Variants in CA12 observed in about 807,000 individuals in gnomAD.
CA12 encodes the protein carbonic anhydrase 12.
In CA12, 36 loss-of-function variants were observed where a neutral mutation model predicts 46.8. The observed-to-expected ratio is 0.77, with a 90% CI of 0.59 to 1.02. The LOEUF (loss-of-function observed/expected upper bound fraction) is 1.02, where lower values mean the gene tolerates loss of function less well. Among genes scored for constraint, CA12 ranks in the 50% least tolerant of loss-of-function variants. CA12 has a pLI of 0.00. For missense variants in CA12, 436 were observed against 451.4 expected, an observed-to-expected ratio of 0.97 and a Z score of 0.31; for synonymous variants, 202 against 187.0, an observed-to-expected ratio of 1.08 and a Z score of -0.65.
At chr15:63,338,178 A>G (rs2039026882) in intron 8 of CA12, among the ~76,000 whole-genome samples, 1 of 152,222 alleles carries the variant, frequency 6.6e-6, no homozygotes, top group Admixed American at 6.5e-5. Context: ...CCCTTGTAGC[A>G]TTAGGAAGAA....
rs183387824 is a variant in CA12 at position 63,361,651 on chromosome 15, C to T, written c.106+14007G>A. Among the ~76,000 whole-genome samples the T allele has an allele frequency of 6.0e-4, 92 of 152,268 alleles. 1 individual carries two copies. The East Asian group carries it at 0.017, about 28-fold the overall frequency. On this transcript the variant is annotated intron_variant, in intron 2 of 10. Coordinates refer to ENST00000178638, the MANE Select transcript of CA12 (RefSeq NM_001218.5). The stretch of plus-strand genomic sequence containing the variant: ...GGCCGTGAGGAAAGAGGAACCAGAG[C>T]ATGCCCCACAGCGGAGGTTGATCTT...
intron 10 of CA12, among the ~76,000 whole-genome samples, chr15:63,326,909 C>T (rs2037772513): frequency 6.6e-6 from 1 of 152,238 alleles, no homozygotes; most frequent in African/African-American, 2.4e-5. Context: ...TAGCAGCAAG[C>T]AAGGCACACA....
At chr15:63,375,127 T>C (rs1477800030) in intron 2 of CA12, among the ~76,000 whole-genome samples, 1 of 152,206 alleles carries the variant, frequency 6.6e-6, no homozygotes, top group Non-Finnish European at 1.5e-5. Context: ...TCTCGCTTCA[T>C]TTAAGACAAG....
chr15:63,343,279 C>CTT (rs35290345), intron 4 of CA12, among the ~76,000 whole-genome samples: 3,918 of 98,664 alleles, frequency 0.04, 184 homozygotes, highest in African/African-American at 0.075. Flanking sequence ...TAGAAAGAAT[C>CTT]TTTTTTTTTT....
chr15:63,375,767 T>C (rs1280490323), intron 1 of CA12, 89 bp from the exon 2 acceptor site: 3 of 928,906 alleles, frequency 3.2e-6, no homozygotes, highest in Non-Finnish European at 5.1e-6. Context: ...ATGAGCGAAA[T>C]TGAAAAGGAG....
Position 63,381,744 on chromosome 15 carries a change from G to A in CA12, c.-24C>T. Reference sequence around the variant, plus strand: ...ATCTTCGCGGGCTCCTGCGGGGCGGGCGCGGGCTGTGCCGGGGGCTCCCGG... The same window carrying A: ...ATCTTCGCGGGCTCCTGCGGGGCGGACGCGGGCTGTGCCGGGGGCTCCCGG... On this transcript the variant is annotated 5_prime_UTR_variant, in exon 1 of 11. Transcript: ENST00000178638. 2 of 1,542,904 alleles carry A rather than the reference G, an allele frequency of 1.3e-6. No individual in the cohort carries two copies. Among genetic ancestry groups the A allele is most frequent in the Non-Finnish European group, 1.8e-6 (2 of 1,141,160 alleles).
In CA12 at chr15:63,339,053, A is replaced by G. The variant is rs1447284297; in HGVS notation, c.748-108T>C. 3 of 1,401,500 alleles carry G rather than the reference A, an allele frequency of 2.1e-6. No individual in the cohort carries two copies. The highest frequency in any genetic ancestry group is 3.0e-6 in the Non-Finnish European group (3 of 1,010,240). 86.8% of individuals were successfully genotyped at this position (1,401,500 alleles called of 1,614,324 possible). Reference sequence around the variant, plus strand: ...GCACCTGGGAGAAGCCTCTGGAACCAGCTTCTGTGGGGCCGGGTGGGAGAT... The same window carrying G: ...GCACCTGGGAGAAGCCTCTGGAACCGGCTTCTGTGGGGCCGGGTGGGAGAT... On this transcript the variant is annotated intron_variant, in intron 7 of 10. Coordinates refer to ENST00000178638, the MANE Select transcript of CA12 (RefSeq NM_001218.5). This position sits in a 1 kb window ranked among gnomAD's most constrained non-coding sequence, Gnocchi z 4.3.
rs2039548958 is a variant in CA12 at position 63,374,624 on chromosome 15, T to C, written c.106+1034A>G. On this transcript the variant is annotated intron_variant, in intron 2 of 10. Transcript: ENST00000178638. The surrounding 1 kb of genome is among the most constrained non-coding windows in gnomAD (Gnocchi z 4.4). ...TGCTGGGGCTGAGGGGACCTTGGCCTGTGGGTAGCTGGTTGGTCAGTTCAG... is the reference window on the plus strand; with the variant it reads ...TGCTGGGGCTGAGGGGACCTTGGCCCGTGGGTAGCTGGTTGGTCAGTTCAG... 6.6e-6 allele frequency among the ~76,000 whole-genome samples: 1 copy of C among 152,210 alleles called. No individual in the cohort carries two copies. Among genetic ancestry groups the C allele is most frequent in the Non-Finnish European group, 1.5e-5 (1 of 68,034 alleles).
In CA12 at chr15:63,330,952, A is replaced by G. The variant is rs2038930599; in HGVS notation, c.875-2822T>C. 6.6e-6 allele frequency among the ~76,000 whole-genome samples: 1 copy of G among 152,240 alleles called. No individual in the cohort carries two copies. The highest frequency in any genetic ancestry group is 6.5e-5 in the Admixed American group (1 of 15,282). On this transcript the variant is annotated intron_variant, in intron 8 of 10. Transcript: ENST00000178638. The surrounding 1 kb of genome is among the most constrained non-coding windows in gnomAD (Gnocchi z 4.0). ...CTGGGACAGATACTTTTCAGCCAAGACTTTGATACAGCAAAAACGAAGCAG... is the reference window on the plus strand; with the variant it reads ...CTGGGACAGATACTTTTCAGCCAAGGCTTTGATACAGCAAAAACGAAGCAG...
Position 63,355,649 on chromosome 15 carries a change from T to C in CA12, c.107-8940A>G, listed in dbSNP as rs1209381737. 6.6e-6 allele frequency among the ~76,000 whole-genome samples: 1 copy of C among 152,164 alleles called. No homozygotes were observed. The highest frequency in any genetic ancestry group is 1.5e-5 in the Non-Finnish European group (1 of 68,022). On this transcript the variant is annotated intron_variant, in intron 2 of 10. Transcript: ENST00000178638. This position sits in a 1 kb window ranked among gnomAD's most constrained non-coding sequence, Gnocchi z 4.1. ...CACTGAAGTGTTCAACAAACAGCTC[T>C]TGAACTAAGCAACAAACAACAGCAA...
intron 8 of CA12, among the ~76,000 whole-genome samples, chr15:63,336,137 G>C (rs1203674122): frequency 6.6e-6 from 1 of 152,256 alleles, no homozygotes; most frequent in African/African-American, 2.4e-5. Context: ...TGGAGGAAGA[G>C]CAGTGGCAAC....
chr15:63,364,220 G>A (rs533121376), intron 2 of CA12, among the ~76,000 whole-genome samples: 3 of 149,316 alleles, frequency 2.0e-5, no homozygotes, highest in African/African-American at 7.4e-5. Flanking sequence ...GGCTAGGTGC[G>A]ATGGCTCACA....
chr15:63,345,862 C>A lies in CA12; in HGVS notation c.287-243G>T, dbSNP rs1567045931. Among the ~76,000 whole-genome samples, 1 of 152,214 alleles carries A rather than the reference C, an allele frequency of 6.6e-6. No individual in the cohort carries two copies. Among genetic ancestry groups the A allele is most frequent in the Admixed American group, 6.5e-5 (1 of 15,284 alleles). ...GTGGCACCAGCACCTTCTTGGTTCACCTTGGAAAGTGATGCCAGAAACGCT... is the reference window on the plus strand; with the variant it reads ...GTGGCACCAGCACCTTCTTGGTTCAACTTGGAAAGTGATGCCAGAAACGCT... On this transcript the variant is annotated intron_variant, in intron 3 of 10. Transcript: ENST00000178638. The surrounding 1 kb of genome is among the most constrained non-coding windows in gnomAD (Gnocchi z 4.3).
intron 2 of CA12, among the ~76,000 whole-genome samples, chr15:63,351,623 G>GA (rs1442787807): frequency 6.6e-6 from 1 of 152,178 alleles, no homozygotes; most frequent in African/African-American, 2.4e-5. Context: ...ATGCCGTTAT[G>GA]AAAAAATCTG....
In CA12 at chr15:63,340,796, C is replaced by G. The variant is rs1310053543; in HGVS notation, c.526-13G>C. 2.5e-6 allele frequency: 4 copies of G among 1,613,518 alleles called. No homozygotes were observed. The highest frequency in any genetic ancestry group is 3.4e-6 in the Non-Finnish European group (4 of 1,179,422). On this transcript the variant is annotated splice_polypyrimidine_tract_variant and intron_variant, in intron 5 of 10. Coordinates refer to ENST00000178638, the MANE Select transcript of CA12 (RefSeq NM_001218.5). The surrounding 1 kb of genome is among the most constrained non-coding windows in gnomAD (Gnocchi z 4.4). ...TGAAGGAGCCCATCTGCAACAGAGACAGGGCAGGTTAAACTGGGACAGAAC... is the reference window on the plus strand; with the variant it reads ...TGAAGGAGCCCATCTGCAACAGAGAGAGGGCAGGTTAAACTGGGACAGAAC...
intron 8 of CA12, among the ~76,000 whole-genome samples, chr15:63,337,465 G>A (rs376659165): frequency 2.6e-5 from 4 of 151,144 alleles, no homozygotes; most frequent in African/African-American, 9.7e-5. Flanking sequence ...TTGTTTTTTG[G>A]TTTTTTTTTG....
In CA12 at chr15:63,345,635, G is replaced by A; in HGVS notation, c.287-16C>T. ...TTCAGCTTCACTGCGGGGAGTGGAG[G>A]AGCAGCCTTCAGAGCCCCGGCCAGC... On this transcript the variant is annotated splice_polypyrimidine_tract_variant and intron_variant, in intron 3 of 10. Coordinates refer to ENST00000178638, the MANE Select transcript of CA12 (RefSeq NM_001218.5). This position sits in a 1 kb window ranked among gnomAD's most constrained non-coding sequence, Gnocchi z 4.3. The A allele has an allele frequency of 1.9e-6, 3 of 1,609,484 alleles. No individual in the cohort carries two copies. Among genetic ancestry groups the A allele is most frequent in the South Asian group, 1.1e-5 (1 of 90,782 alleles).
chr15:63,339,082 A>G lies in CA12; in HGVS notation c.748-137T>C, dbSNP rs1381582273. On this transcript the variant is annotated intron_variant, in intron 7 of 10. Transcript: ENST00000178638. The surrounding 1 kb of genome is among the most constrained non-coding windows in gnomAD (Gnocchi z 4.3). ...TCTGTGGGGCCGGGTGGGAGATATT[A>G]GAAAGCAGAGGGAAAGCCACAGAAC... 28 of 1,092,178 alleles carry G rather than the reference A, an allele frequency of 2.6e-5. No homozygotes were observed. Among genetic ancestry groups the G allele is most frequent in the Non-Finnish European group, 3.6e-5 (27 of 741,062 alleles). 67.7% of individuals were successfully genotyped at this position (1,092,178 alleles called of 1,614,324 possible). A position where few individuals can be genotyped will look rare whatever the true frequency, so the allele number is the denominator to read the frequency against.
At chr15:63,369,399 G>T (rs1281624239) in intron 2 of CA12, among the ~76,000 whole-genome samples, 1 of 152,196 alleles carries the variant, frequency 6.6e-6, no homozygotes, top group Non-Finnish European at 1.5e-5. Context: ...AGTTAGCTTT[G>T]TATGTGCTAG....
Sources: allele counts gnomAD v4.1 joint callset (sites outside exome capture counted in the v4.1 genomes callset), GRCh38; gene constraint gnomAD v4.1.1; non-coding constraint Gnocchi (gnomAD v3.1); transcripts MANE v1.5; gene names NCBI Gene and HGNC (gene_info 2026-07-23, HGNC 2026-07-21).